Variants in CSMD3 observed in about 807,000 individuals in gnomAD.
CSMD3 encodes the protein CUB and Sushi multiple domains 3.
In CSMD3, 177 loss-of-function variants were observed where a neutral mutation model predicts 435.2. That is an observed-to-expected ratio of 0.41 (90% CI 0.36 to 0.46). The LOEUF (loss-of-function observed/expected upper bound fraction) is 0.46, where lower values mean the gene tolerates loss of function less well. Ranked by LOEUF, CSMD3 falls within the 20% of genes least tolerant of loss-of-function variation. The pLI is 0.34. For missense variants in CSMD3, 4,265 were observed against 4,504.6 expected, an observed-to-expected ratio of 0.95 and a Z score of 1.52; for synonymous variants, 1,656 against 1,520.5, an observed-to-expected ratio of 1.09 and a Z score of -2.07.
chr8:112,826,188 T>G (rs2079675203), intron 12 of CSMD3, among the ~76,000 whole-genome samples: 1 of 152,144 alleles, frequency 6.6e-6, no homozygotes, highest in South Asian at 2.1e-4. Flanking sequence ...CCTCTCTGGC[T>G]CCAGCAGAAG....
At chr8:112,669,262 C>T (rs2075600730) in intron 16 of CSMD3, among the ~76,000 whole-genome samples, 1 of 152,022 alleles carries the variant, frequency 6.6e-6, no homozygotes, top group South Asian at 2.1e-4. Context: ...AACTTCTGAT[C>T]TCAGGTGATC....
intron 47 of CSMD3, 57 bp from the exon 48 acceptor site, chr8:112,314,674 T>C: frequency 8.3e-7 from 1 of 1,198,206 alleles, no homozygotes; most frequent in Non-Finnish European, 1.2e-6. Context: ...CAGTGAAAAC[T>C]GTATTTTAGA....
At chr8:113,206,511 C>T (rs1173958535) in intron 3 of CSMD3, among the ~76,000 whole-genome samples, 2 of 151,912 alleles carry the variant, frequency 1.3e-5, no homozygotes, top group African/African-American at 4.8e-5. Flanking sequence ...CTCGATGATT[C>T]CTTAATTGGA....
chr8:112,555,664 A>T (rs1441221282), intron 25 of CSMD3, among the ~76,000 whole-genome samples: 2 of 152,132 alleles, frequency 1.3e-5, no homozygotes, highest in South Asian at 2.1e-4. Flanking sequence ...AAACCAACAG[A>T]GGTCTCATAG....
Position 112,311,157 on chromosome 8 carries a change from C to T in CSMD3, c.7706G>A (p.Cys2569Tyr). 6.2e-7 allele frequency: 1 copy of T among 1,612,926 alleles called. No homozygotes were observed. The highest frequency in any genetic ancestry group is 1.3e-5 in the African/African-American group (1 of 74,848). Residue 2569 changes from cysteine to tyrosine, a missense_variant, in exon 50 of 71, where the codon TGT (cysteine) becomes TAT (tyrosine). Coordinates refer to ENST00000297405, the MANE Select transcript of CSMD3 (RefSeq NM_198123.2). ...GFRIRYIAFYCSTPESPPHGY... is the reference protein window; with the variant it reads ...GFRIRYIAFYYSTPESPPHGY... The stretch of plus-strand genomic sequence containing the variant: ...ATGAGGTGGGGATTCTGGTGTACTA[C>T]AGTAGAAAGCTTTTCAAAAGAAAAA...
At position 113,173,730 on chromosome 8, in the gene CSMD3, A is replaced by T. The variant is rs2131889749; in HGVS notation, c.701T>A (p.Ile234Asn). The part of the protein sequence containing the change: ...NTASWDFPVP[I>N]CRAEDACGGT... The stretch of plus-strand genomic sequence containing the variant: ...AAGTGTTTTCATTTTACCTCTACAG[A>T]TAGGAACAGGAAAATCCCACGAAGC... Residue 234 changes from isoleucine to asparagine, a missense_variant, in exon 4 of 71, where the codon ATC (isoleucine) becomes AAC (asparagine). Transcript: ENST00000297405. The T allele has an allele frequency of 6.2e-7, 1 of 1,611,126 alleles. No individual in the cohort carries two copies. Among genetic ancestry groups the T allele is most frequent in the Non-Finnish European group, 8.5e-7 (1 of 1,177,450 alleles).
At chr8:113,037,307 T>TTC (rs2087396066) in intron 5 of CSMD3, among the ~76,000 whole-genome samples, 1 of 152,128 alleles carries the variant, frequency 6.6e-6, no homozygotes, top group Admixed American at 6.5e-5. Context: ...TTGAAATCAC[T>TTC]AATAATATCT....
intron 22 of CSMD3, among the ~76,000 whole-genome samples, chr8:112,615,594 G>C (rs1403667038): frequency 6.6e-6 from 1 of 152,002 alleles, no homozygotes; most frequent in Non-Finnish European, 1.5e-5. Context: ...CCTACATCAT[G>C]AAATTTAACC....
rs76919554 is a variant in CSMD3 at position 112,552,936 on chromosome 8, G to A, written c.4235-216C>T. On this transcript the variant is annotated intron_variant, in intron 25 of 70. Coordinates refer to ENST00000297405, the MANE Select transcript of CSMD3 (RefSeq NM_198123.2). Reference sequence around the variant, plus strand: ...AGAGCACAAAAAAGACAACAAAACTGAAACCTACTTAAAGAATTAAAACAA... The same window carrying A: ...AGAGCACAAAAAAGACAACAAAACTAAAACCTACTTAAAGAATTAAAACAA... Among the ~76,000 whole-genome samples the A allele has an allele frequency of 3.0e-3, 460 of 152,130 alleles. 1 individual carries two copies. The highest frequency in any genetic ancestry group is 0.011 in the African/African-American group (438 of 41,544).
At chr8:112,401,398 C>A (rs1022035419) in intron 35 of CSMD3, among the ~76,000 whole-genome samples, 1 of 151,764 alleles carries the variant, frequency 6.6e-6, no homozygotes, top group Non-Finnish European at 1.5e-5. Context: ...TATCTTGCCT[C>A]TTTCTAACTC....
At chr8:112,516,422 A>G (rs895310875) in intron 28 of CSMD3, among the ~76,000 whole-genome samples, 4 of 152,160 alleles carry the variant, frequency 2.6e-5, no homozygotes, top group Non-Finnish European at 5.9e-5. Context: ...TTTATTCCAA[A>G]AGCGGGACAT....
intron 23 of CSMD3, among the ~76,000 whole-genome samples, chr8:112,581,630 G>A (rs9694554): frequency 0.6 from 91,085 of 151,828 alleles, 28,334 homozygotes; most frequent in African/African-American, 0.77. Context: ...TAGAAGAAAA[G>A]AATGTTTATG....
chr8:112,240,693 C>T (rs1361736565), intron 66 of CSMD3, among the ~76,000 whole-genome samples: 1 of 152,020 alleles, frequency 6.6e-6, no homozygotes. Flanking sequence ...ACTGAATAAG[C>T]ATGATATGGT....
At chr8:113,008,028 G>A (rs1268388419) in intron 6 of CSMD3, among the ~76,000 whole-genome samples, 1 of 151,412 alleles carries the variant, frequency 6.6e-6, no homozygotes, top group Non-Finnish European at 1.5e-5. Context: ...CTTTTTGGCG[G>A]GGAAAAGACC....
At chr8:112,358,780 A>G (rs1020586289) in intron 38 of CSMD3, among the ~76,000 whole-genome samples, 1 of 152,142 alleles carries the variant, frequency 6.6e-6, no homozygotes, top group African/African-American at 2.4e-5. Flanking sequence ...CTTTATCAGA[A>G]GCATGAAACC....
intron 19 of CSMD3, among the ~76,000 whole-genome samples, chr8:112,646,786 T>C (rs2074992006): frequency 6.6e-6 from 1 of 152,140 alleles, no homozygotes; most frequent in Non-Finnish European, 1.5e-5. Flanking sequence ...GAGAATGGAC[T>C]TAAAGATGGA....
chr8:112,450,293 T>C (rs1816110742), intron 32 of CSMD3, among the ~76,000 whole-genome samples: 1 of 152,176 alleles, frequency 6.6e-6, no homozygotes, highest in South Asian at 2.1e-4. Flanking sequence ...ATATGATTTC[T>C]GAAAAATGCA....
chr8:112,463,553 A>G (rs1817664963), intron 32 of CSMD3, among the ~76,000 whole-genome samples: 1 of 152,106 alleles, frequency 6.6e-6, no homozygotes, highest in Non-Finnish European at 1.5e-5. Context: ...GCATTTTCTG[A>G]GTTTTTCCAA....
intron 35 of CSMD3, among the ~76,000 whole-genome samples, chr8:112,401,402 C>T (rs1831332101): frequency 6.6e-6 from 1 of 151,698 alleles, no homozygotes; most frequent in Non-Finnish European, 1.5e-5. Context: ...TTGCCTCTTT[C>T]TAACTCTGTC....
Sources: gnomAD v4.1 joint callset for allele counts (sites outside exome capture counted in the v4.1 genomes callset) on GRCh38, gnomAD v4.1.1 for gene constraint, MANE v1.5 for transcripts, NCBI Gene and HGNC (gene_info 2026-07-23, HGNC 2026-07-21) for gene names.